Variants in HTR7 observed in about 807,000 individuals in gnomAD.
HTR7 encodes 5-hydroxytryptamine receptor 7.
HTR7 carries 16 observed loss-of-function variants against 34.0 expected under a neutral mutation model. The observed-to-expected ratio is 0.47, with a 90% CI of 0.32 to 0.71. HTR7 has a LOEUF of 0.71. Among genes scored for constraint, HTR7 ranks in the 30% least tolerant of loss-of-function variants. The pLI is 0.04. For synonymous variants in HTR7, 265 were observed against 260.2 expected, an observed-to-expected ratio of 1.02 and a Z score of -0.18; for missense variants, 504 against 625.5, an observed-to-expected ratio of 0.81 and a Z score of 2.07.
At chr10:90,802,996 C>CTTTT (rs35715510) in intron 1 of HTR7, among the ~76,000 whole-genome samples, 53 of 88,970 alleles carry the variant, frequency 6.0e-4, no homozygotes, top group African/African-American at 1.0e-3. Context: ...CATTTGTGGC[C>CTTTT]TTTTTTTTTT....
chr10:90,762,217 T>C (rs980113002), intron 1 of HTR7, among the ~76,000 whole-genome samples: 3 of 152,238 alleles, frequency 2.0e-5, no homozygotes, highest in Non-Finnish European at 2.9e-5. Flanking sequence ...CATACTGTTT[T>C]CCATAAAGGC....
chr10:90,826,664 A>C (rs1484611944), intron 1 of HTR7, among the ~76,000 whole-genome samples: 1 of 152,188 alleles, frequency 6.6e-6, no homozygotes, highest in Non-Finnish European at 1.5e-5. Context: ...AGTTGTCATA[A>C]GTTTAAAATA....
At chr10:90,810,786 C>T (rs573656932) in intron 1 of HTR7, among the ~76,000 whole-genome samples, 1 of 152,264 alleles carries the variant, frequency 6.6e-6, no homozygotes. Context: ...GCTGTACTGC[C>T]GCAAGGCTTA....
At chr10:90,785,095 A>AT (rs1324616586) in intron 1 of HTR7, among the ~76,000 whole-genome samples, 1 of 152,238 alleles carries the variant, frequency 6.6e-6, no homozygotes, top group Non-Finnish European at 1.5e-5. Flanking sequence ...GCAGGAGGCT[A>AT]TAAGTGACCT....
intron 1 of HTR7, among the ~76,000 whole-genome samples, chr10:90,812,895 T>C (rs1845837779): frequency 6.6e-6 from 1 of 152,196 alleles, no homozygotes; most frequent in African/African-American, 2.4e-5. Flanking sequence ...AACTGAAGAA[T>C]CACAAAAGAA....
At chr10:90,760,366 CAAAGATTTGTT>C (rs1844916481) in intron 1 of HTR7, among the ~76,000 whole-genome samples, 1 of 152,022 alleles carries the variant, frequency 6.6e-6, no homozygotes, top group Non-Finnish European at 1.5e-5. Flanking sequence ...GAACGATATA[CAAAGATTTGTT>C]AAAGGATACA....
At chr10:90,820,656 A>G (rs1394469932) in intron 1 of HTR7, among the ~76,000 whole-genome samples, 1 of 152,220 alleles carries the variant, frequency 6.6e-6, no homozygotes, top group African/African-American at 2.4e-5. Context: ...GAGTCTGTCC[A>G]TTGAAAGGAC....
chr10:90,835,650 AAACACAGAT>A (rs1488773799), intron 1 of HTR7, among the ~76,000 whole-genome samples: 1 of 152,206 alleles, frequency 6.6e-6, no homozygotes, highest in East Asian at 1.9e-4. Context: ...AGCTGGAAGA[AAACACAGAT>A]AAATAAGATG....
intron 1 of HTR7, among the ~76,000 whole-genome samples, chr10:90,815,805 T>G (rs189316704): frequency 1.3e-5 from 2 of 152,234 alleles, no homozygotes; most frequent in Non-Finnish European, 2.9e-5. Context: ...GAGTAAAAGC[T>G]AGAATGCTGG....
chr10:90,777,246 GC>G (rs1845230952), intron 1 of HTR7, among the ~76,000 whole-genome samples: 1 of 152,070 alleles, frequency 6.6e-6, no homozygotes, highest in African/African-American at 2.4e-5. Flanking sequence ...ACTTTGGGAG[GC>G]TGAGGCGGGT....
chr10:90,758,355 A>AAAAAAAAAAGG (rs1412170972), intron 1 of HTR7, among the ~76,000 whole-genome samples: 1 of 149,388 alleles, frequency 6.7e-6, no homozygotes, highest in Non-Finnish European at 1.5e-5. Context: ...AAAAAAAAAA[A>AAAAAAAAAAGG]AAAGGAAAGG....
At chr10:90,816,134 G>A (rs1336576102) in intron 1 of HTR7, among the ~76,000 whole-genome samples, 3 of 152,200 alleles carry the variant, frequency 2.0e-5, no homozygotes, top group Non-Finnish European at 4.4e-5. Flanking sequence ...CTGAAGCTAT[G>A]CGAGGAGCTC....
intron 1 of HTR7, among the ~76,000 whole-genome samples, chr10:90,807,668 C>T (rs1406190923): frequency 6.6e-6 from 1 of 152,186 alleles, no homozygotes; most frequent in East Asian, 1.9e-4. Context: ...CCCGCAGGCA[C>T]CCAGGTGATT....
intron 1 of HTR7, among the ~76,000 whole-genome samples, chr10:90,829,381 A>AT (rs770862992): frequency 7.4e-4 from 111 of 149,632 alleles, no homozygotes; most frequent in East Asian, 9.8e-4. Context: ...TTGTCAAATC[A>AT]TTTTTTTTTT....
rs765468621 is a variant in HTR7, at chr10:90,857,628, T to C, written c.44A>G (p.His15Arg). Reference sequence around the variant, plus strand: ...TTCTGGCAGAAGGAAAGAGCGGAGGTGCCCGTAGAGGTCCGGGCGGCCGCT... The same window carrying C: ...TTCTGGCAGAAGGAAAGAGCGGAGGCGCCCGTAGAGGTCCGGGCGGCCGCT... The part of the protein sequence containing the change: ...NSSGRPDLYG[H>R]LRSFLLPEVG... Residue 15 changes from histidine (H) to arginine (R), a missense_variant, in exon 1 of 4, where the codon CAC becomes CGC. His to Arg is a conservative substitution (Grantham distance 29, BLOSUM62 0). Transcript: ENST00000336152. The surrounding 1 kb of genome is among the most constrained non-coding windows in gnomAD (Gnocchi z 6.5). The C allele has an allele frequency of 3.8e-6, 6 of 1,597,906 alleles. No individual in the cohort carries two copies. Among genetic ancestry groups the C allele is most frequent in the South Asian group, 1.1e-5 (1 of 89,212 alleles).
In HTR7 at chr10:90,742,408, C is replaced by A; in HGVS notation, c.*74G>T. 1 of 1,141,186 alleles carries A rather than the reference C, an allele frequency of 8.8e-7. No individual in the cohort carries two copies. The highest frequency in any genetic ancestry group is 1.3e-6 in the Non-Finnish European group (1 of 770,910). The allele number at this position is 1,141,186 out of a possible 1,614,324, so 70.7% of individuals were successfully genotyped here. ...AGGACAGAAGCTGCATTCCATTCTGCAGACTCAGCAAATGACTTCCTTCTG... is the reference window on the plus strand; with the variant it reads ...AGGACAGAAGCTGCATTCCATTCTGAAGACTCAGCAAATGACTTCCTTCTG... On this transcript the variant is annotated 3_prime_UTR_variant, in exon 4 of 4. Coordinates refer to ENST00000336152, the MANE Select transcript of HTR7 (RefSeq NM_019859.4).
intron 1 of HTR7, among the ~76,000 whole-genome samples, chr10:90,796,838 C>T (rs1845547151): frequency 6.6e-6 from 1 of 152,120 alleles, no homozygotes; most frequent in South Asian, 2.1e-4. Flanking sequence ...GAAACCCCAT[C>T]TCTACTAAAA....
chr10:90,789,060 G>C (rs893379167), intron 1 of HTR7, among the ~76,000 whole-genome samples: 1 of 152,124 alleles, frequency 6.6e-6, no homozygotes. Context: ...ATGTTATATT[G>C]TCATCGTGCA....
At chr10:90,807,830 G>C (rs183518131) in intron 1 of HTR7, among the ~76,000 whole-genome samples, 1 of 152,226 alleles carries the variant, frequency 6.6e-6, no homozygotes, top group East Asian at 1.9e-4. Flanking sequence ...ATCCACCTAC[G>C]ACCTCAGGTC....
Sources: allele counts gnomAD v4.1 joint callset (sites outside exome capture counted in the v4.1 genomes callset), GRCh38; gene constraint gnomAD v4.1.1; non-coding constraint Gnocchi (gnomAD v3.1); transcripts MANE v1.5; gene names NCBI Gene and HGNC (gene_info 2026-07-23, HGNC 2026-07-21).